The following PIP5K1C variants were observed in gnomAD, a reference collection of about 807,000 sequenced individuals.
PIP5K1C encodes the protein phosphatidylinositol 4-phosphate 5-kinase type-1 gamma.
Under a neutral mutation model 80.1 loss-of-function variants are expected in PIP5K1C, and 45 were observed. That is an observed-to-expected ratio of 0.56 (90% CI 0.44 to 0.72). The LOEUF (loss-of-function observed/expected upper bound fraction) is 0.72. PIP5K1C is among the 30% of genes least tolerant of loss of function. The pLI, the probability that PIP5K1C is intolerant of heterozygous loss-of-function variation, is 0.00. For missense variants in PIP5K1C, 753 were observed against 954.6 expected (o/e 0.79, Z 2.78); for synonymous variants, 498 against 420.1 (o/e 1.19, Z -2.27).
chr19:3,697,423 G>A (rs1056144567), intron 1 of PIP5K1C, among the ~76,000 whole-genome samples: 2 of 149,496 alleles, frequency 1.3e-5, no homozygotes, highest in African/African-American at 4.9e-5. Context: ...CAGCCAGACG[G>A]AGGAGGACCG....
chr19:3,638,929 G>A lies in PIP5K1C; in HGVS notation c.1875C>T (p.Ser625=), dbSNP rs754004525. The A allele has an allele frequency of 2.5e-6, 4 of 1,612,542 alleles. No homozygotes were observed. Among genetic ancestry groups the A allele is most frequent in the Middle Eastern group, 1.7e-4 (1 of 6,060 alleles). Residue 625 remains serine, a synonymous_variant, in exon 16 of 18, where the codon AGC becomes AGT. Transcript: ENST00000335312. ...QASDEEGAPA[S]QASDEEDAPA... ...GCGCGTCCTCCTCGTCCGAGGCCTGGCTGGCAGGTGCGCCCTCCTCGTCTG... is the reference window on the plus strand; with the variant it reads ...GCGCGTCCTCCTCGTCCGAGGCCTGACTGGCAGGTGCGCCCTCCTCGTCTG...
At chr19:3,666,348 A>C (rs907710253) in intron 2 of PIP5K1C, among the ~76,000 whole-genome samples, 3 of 152,242 alleles carry the variant, frequency 2.0e-5, no homozygotes, top group African/African-American at 7.2e-5. Flanking sequence ...GCTGGGAAGA[A>C]GGCCACTCGG....
intron 1 of PIP5K1C, among the ~76,000 whole-genome samples, chr19:3,671,747 G>T (rs2035211900): frequency 6.6e-6 from 1 of 152,178 alleles, no homozygotes; most frequent in Non-Finnish European, 1.5e-5. Context: ...CGCCTGCCCA[G>T]GGGGTGGGGG....
intron 1 of PIP5K1C, among the ~76,000 whole-genome samples, chr19:3,689,203 G>A (rs866397798): frequency 2.0e-5 from 3 of 151,934 alleles, no homozygotes; most frequent in African/African-American, 4.8e-5. Context: ...AAAATAACAC[G>A]CCTTGAAATA....
Position 3,661,096 on chromosome 19 carries a change from G to T in PIP5K1C, c.351-13C>A. ...GTTGCTGCCTTCGCTGTGGAGGAAG[G>T]ACGGGAGGAAACCTGTGAGGGGTGG... On this transcript the variant is annotated splice_polypyrimidine_tract_variant and intron_variant, in intron 4 of 17. Transcript: ENST00000335312. The T allele has an allele frequency of 6.3e-7, 1 of 1,598,178 alleles. No individual in the cohort carries two copies. Among genetic ancestry groups the T allele is most frequent in the Non-Finnish European group, 8.6e-7 (1 of 1,165,842 alleles).
At chr19:3,684,113 G>A (rs1009600882) in intron 1 of PIP5K1C, among the ~76,000 whole-genome samples, 4 of 152,118 alleles carry the variant, frequency 2.6e-5, no homozygotes, top group African/African-American at 9.7e-5. Flanking sequence ...GCTGGGAAGT[G>A]GCCTCTGTGT....
At chr19:3,643,751 C>T (rs1403776212) in intron 12 of PIP5K1C, among the ~76,000 whole-genome samples, 1 of 149,138 alleles carries the variant, frequency 6.7e-6, no homozygotes, top group African/African-American at 2.5e-5. Context: ...TGTGGTCCTG[C>T]CCCAGGGCCC....
chr19:3,661,815 G>A (rs577020695), intron 4 of PIP5K1C, 56 bp downstream of exon 4: 538 of 1,600,512 alleles, frequency 3.4e-4, no homozygotes, highest in Non-Finnish European at 4.0e-4. Flanking sequence ...AGGCCACTCC[G>A]CCTCAGAGCC....
intron 12 of PIP5K1C, 128 bp from the exon 13 acceptor site, chr19:3,643,509 C>T: frequency 9.6e-7 from 1 of 1,038,610 alleles, no homozygotes; most frequent in Non-Finnish European, 1.4e-6. Context: ...CAGACACTCC[C>T]ACCTCCCCAC....
rs1039557199 is a variant in PIP5K1C, at chr19:3,648,112, A to G, written c.1211+513T>C. 1.3e-4 allele frequency among the ~76,000 whole-genome samples: 19 copies of G among 151,632 alleles called. No homozygotes were observed. The highest frequency in any genetic ancestry group is 2.2e-4 in the Non-Finnish European group (15 of 67,892). On this transcript the variant is annotated intron_variant, in intron 9 of 17. Coordinates refer to ENST00000335312, the MANE Select transcript of PIP5K1C (RefSeq NM_012398.3). The surrounding 1 kb of genome is among the most constrained non-coding windows in gnomAD (Gnocchi z 4.3). ...TCATAGCTCACTGCTGCAGCCCCAGACTCCTGGGCCCAAGGAATCCTCCTG... is the reference window on the plus strand; with the variant it reads ...TCATAGCTCACTGCTGCAGCCCCAGGCTCCTGGGCCCAAGGAATCCTCCTG...
At chr19:3,644,947 C>T (rs1266934022) in intron 11 of PIP5K1C, among the ~76,000 whole-genome samples, 1 of 152,260 alleles carries the variant, frequency 6.6e-6, no homozygotes, top group African/African-American at 2.4e-5. Flanking sequence ...GGCTGGCAAA[C>T]AGCCCTGGAT....
At chr19:3,668,945 C>G (rs2035110891) in intron 1 of PIP5K1C, among the ~76,000 whole-genome samples, 1 of 152,196 alleles carries the variant, frequency 6.6e-6, no homozygotes, top group Admixed American at 6.5e-5. Flanking sequence ...CATGCAGAGG[C>G]GGGTACCGAA....
intron 1 of PIP5K1C, among the ~76,000 whole-genome samples, chr19:3,680,416 C>T (rs1033799317): frequency 1.3e-5 from 2 of 152,130 alleles, no homozygotes; most frequent in South Asian, 2.1e-4. Flanking sequence ...ACGATTCTCC[C>T]GTCTCAGCCT....
At chr19:3,674,664 C>T (rs924444043) in intron 1 of PIP5K1C, among the ~76,000 whole-genome samples, 2 of 152,162 alleles carry the variant, frequency 1.3e-5, no homozygotes, top group African/African-American at 2.4e-5. Context: ...ACCACCATGC[C>T]CAGCTTTTTT....
intron 14 of PIP5K1C, 121 bp from the exon 15 acceptor site, chr19:3,641,930 T>C (rs1354327134): frequency 3.9e-6 from 3 of 769,324 alleles, no homozygotes; most frequent in Non-Finnish European, 6.7e-6. Context: ...CCTGATTGGG[T>C]CTGTTCTTTC....
intron 1 of PIP5K1C, among the ~76,000 whole-genome samples, chr19:3,687,542 C>T (rs995191280): frequency 1.3e-5 from 2 of 150,380 alleles, no homozygotes; most frequent in African/African-American, 2.4e-5. Flanking sequence ...CACACACATA[C>T]ATGCACACAT....
At chr19:3,675,734 C>G (rs1455517374) in intron 1 of PIP5K1C, among the ~76,000 whole-genome samples, 1 of 152,186 alleles carries the variant, frequency 6.6e-6, no homozygotes, top group Non-Finnish European at 1.5e-5. Flanking sequence ...AGGATCTCCC[C>G]CCTCAGCACT....
At chr19:3,681,862 AGCCAAACGAGCCCTGGG>A (rs2035599748) in intron 1 of PIP5K1C, among the ~76,000 whole-genome samples, 1 of 152,018 alleles carries the variant, frequency 6.6e-6, no homozygotes, top group African/African-American at 2.4e-5. Flanking sequence ...GGGGTCACTT[AGCCAAACGAGCCCTGGG>A]GCCTGCGTTT....
rs370250237 is a variant in PIP5K1C at position 3,699,337 on chromosome 19, T to TG, written c.94+959dup. ...CACGAGTGTCTTTCAAGGCGGGGGGTGGGGGGGGGACTTGATGACTTCCAC... is the reference window on the plus strand; with the variant it reads ...CACGAGTGTCTTTCAAGGCGGGGGGTGGGGGGGGGGACTTGATGACTTCCAC... On this transcript the variant is annotated intron_variant, in intron 1 of 17. Coordinates refer to ENST00000335312, the MANE Select transcript of PIP5K1C (RefSeq NM_012398.3). Among the ~76,000 whole-genome samples the TG allele has an allele frequency of 4.0e-3, 106 of 26,504 alleles. 1 individual carries two copies. Among genetic ancestry groups the TG allele is most frequent in the African/African-American group, 8.0e-3 (64 of 8,004 alleles). The allele number at this position is 26,504 out of a possible 152,430, so 17.4% of individuals were successfully genotyped here.
Sources: gnomAD v4.1 joint callset for allele counts (sites outside exome capture counted in the v4.1 genomes callset) on GRCh38, gnomAD v4.1.1 for gene constraint, Gnocchi (gnomAD v3.1) non-coding constraint, MANE v1.5 for transcripts, NCBI Gene and HGNC (gene_info 2026-07-23, HGNC 2026-07-21) for gene names.